THSD4: variants seen among roughly 807,000 people sequenced by gnomAD.
The protein encoded by THSD4 is thrombospondin type 1 domain containing 4.
A neutral mutation model predicts 119.0 loss-of-function variants in THSD4; 69 were observed. The ratio of observed to expected loss-of-function variants is 0.58; its 90% CI spans 0.48 to 0.71. The LOEUF is 0.71. THSD4 is among the 30% of genes least tolerant of loss of function. THSD4 has a pLI of 0.00. For missense variants in THSD4, 1,393 were observed against 1,391.1 expected (o/e 1.00, Z -0.02); for synonymous variants, 524 against 540.4 (o/e 0.97, Z 0.42).
chr15:71,417,476 A>AT lies in THSD4; in HGVS notation c.1152+5661dup, dbSNP rs1287401670. 8.6e-4 allele frequency among the ~76,000 whole-genome samples: 92 copies of AT among 107,114 alleles called. 28 individuals carry two copies. The highest frequency in any genetic ancestry group is 2.6e-3 in the African/African-American group (83 of 31,568). 70.3% of individuals were successfully genotyped at this position (107,114 alleles called of 152,430 possible). ...ATGGATTTCCAGTTTTCCCAGCACC[A>AT]TTTTTTTTGAGGAGACTGTCCTTTT... is the stretch of plus-strand genomic sequence containing the variant. On this transcript the variant is annotated intron_variant, in intron 7 of 17. Coordinates refer to ENST00000261862, the MANE Select transcript of THSD4 (RefSeq NM_024817.3).
chr15:71,101,725 T>TA lies in THSD4; in HGVS notation c.-80+4719_-80+4720insA, dbSNP rs975959605. ...TAGTTTTCTTTTCTTTTTTATTTTT[T>TA]TTTTTTGAGACAGAGTCTCACTCTG... On this transcript the variant is annotated intron_variant, in intron 1 of 17. Transcript: ENST00000355327. 1.2e-4 allele frequency among the ~76,000 whole-genome samples: 19 copies of TA among 152,016 alleles called. No homozygotes were observed. In the South Asian group the frequency reaches 1.7e-3, roughly 13 times the overall value.
intron 7 of THSD4, among the ~76,000 whole-genome samples, chr15:71,536,356 C>G (rs574286144): frequency 2.0e-5 from 3 of 152,292 alleles, no homozygotes; most frequent in East Asian, 3.9e-4. Context: ...ACAACCTTCC[C>G]TCCTCTGCCT....
intron 6 of THSD4, among the ~76,000 whole-genome samples, chr15:71,401,886 A>G (rs1398175681): frequency 1.3e-5 from 2 of 152,258 alleles, no homozygotes; most frequent in Non-Finnish European, 2.9e-5. Flanking sequence ...GATTAAGAAA[A>G]TATGGCACAT....
intron 7 of THSD4, among the ~76,000 whole-genome samples, chr15:71,608,918 C>T (rs1438537656): frequency 6.6e-6 from 1 of 152,158 alleles, no homozygotes; most frequent in Non-Finnish European, 1.5e-5. Context: ...GTTAGTAAGG[C>T]GGTCAGAACC....
chr15:71,706,724 T>C (rs2052400077), intron 8 of THSD4, among the ~76,000 whole-genome samples: 2 of 152,152 alleles, frequency 1.3e-5, no homozygotes, highest in South Asian at 4.1e-4. Context: ...GTTAACATGC[T>C]ACCAACGTGA....
At chr15:71,523,005 C>A (rs1225670936) in intron 7 of THSD4, among the ~76,000 whole-genome samples, 1 of 152,116 alleles carries the variant, frequency 6.6e-6, no homozygotes, top group Non-Finnish European at 1.5e-5. Flanking sequence ...GAGGGTCCTG[C>A]TTGGTTATCT....
chr15:71,714,774 G>A (rs1282344685), intron 8 of THSD4, among the ~76,000 whole-genome samples: 1 of 152,118 alleles, frequency 6.6e-6, no homozygotes, highest in Non-Finnish European at 1.5e-5. Context: ...TGTGGAGGTT[G>A]CAGTGAGCCA....
intron 7 of THSD4, chr15:71,547,209 G>A: frequency 1.5e-6 from 2 of 1,354,450 alleles, no homozygotes; most frequent in Non-Finnish European, 1.9e-6. Context: ...GTTATTACAT[G>A]AAGAGATCAG....
rs751027021 is a variant in THSD4, at chr15:71,607,270, G to A, written c.1153-53260G>A. On this transcript the variant is annotated intron_variant, in intron 7 of 17. Transcript: ENST00000261862. ...CAGCTTGGCTGTCTTGAGAATAAGTGGTAATGAGGAAGATCACAGGCAGAT... is the reference window on the plus strand; with the variant it reads ...CAGCTTGGCTGTCTTGAGAATAAGTAGTAATGAGGAAGATCACAGGCAGAT... Among the ~76,000 whole-genome samples, 3 of 152,158 alleles carry A rather than the reference G, an allele frequency of 2.0e-5. No individual in the cohort carries two copies. In the South Asian group the frequency reaches 6.2e-4, roughly 31 times the overall value.
intron 7 of THSD4, chr15:71,547,622 C>T (rs2048857771): frequency 7.5e-6 from 7 of 932,590 alleles, no homozygotes; most frequent in Non-Finnish European, 7.6e-6. Flanking sequence ...GTAGGCTTCT[C>T]TTGCCTTTTC....
chr15:71,622,083 A>G (rs1388825801), intron 7 of THSD4, among the ~76,000 whole-genome samples: 1 of 152,202 alleles, frequency 6.6e-6, no homozygotes, highest in African/African-American at 2.4e-5. Flanking sequence ...GCAATTCCCG[A>G]TGCCAAAAGT....
intron 2 of THSD4, among the ~76,000 whole-genome samples, chr15:71,142,867 TATAAC>T (rs2040618681): frequency 6.6e-6 from 1 of 152,328 alleles, no homozygotes; most frequent in Admixed American, 6.5e-5. Flanking sequence ...GCCTAGAACT[TATAAC>T]AGAAAGTAAA....
intron 7 of THSD4, among the ~76,000 whole-genome samples, chr15:71,504,955 C>T (rs1421080889): frequency 6.6e-6 from 1 of 152,160 alleles, no homozygotes; most frequent in African/African-American, 2.4e-5. Context: ...AGAGCATGGT[C>T]AGGTGTGTTG....
chr15:71,316,645 C>T (rs1475053744), intron 6 of THSD4, among the ~76,000 whole-genome samples: 1 of 152,130 alleles, frequency 6.6e-6, no homozygotes, highest in Non-Finnish European at 1.5e-5. Context: ...GGCTGAAGGC[C>T]TAGATACAAC....
chr15:71,494,643 A>T (rs946388598), intron 7 of THSD4, among the ~76,000 whole-genome samples: 4 of 150,194 alleles, frequency 2.7e-5, no homozygotes, highest in Non-Finnish European at 4.4e-5. Context: ...GTTCTGTTTC[A>T]GATCAGGAAG....
At chr15:71,757,657 TA>T (rs2053565476) in intron 14 of THSD4, among the ~76,000 whole-genome samples, 1 of 152,084 alleles carries the variant, frequency 6.6e-6, no homozygotes, top group Admixed American at 6.6e-5. Flanking sequence ...ATAAGTGTAT[TA>T]ATTGCAGTGG....
intron 6 of THSD4, among the ~76,000 whole-genome samples, chr15:71,401,236 C>T (rs2046527922): frequency 6.6e-6 from 1 of 152,132 alleles, no homozygotes; most frequent in Non-Finnish European, 1.5e-5. Flanking sequence ...TCCACTTAAG[C>T]AAAATTCCTA....
chr15:71,498,675 C>T (rs1489813084), intron 7 of THSD4, among the ~76,000 whole-genome samples: 3 of 151,974 alleles, frequency 2.0e-5, no homozygotes, highest in South Asian at 2.1e-4. Context: ...ATCCTGCACA[C>T]GGCAACCAAG....
chr15:71,345,921 C>T (rs1038462082), intron 6 of THSD4, among the ~76,000 whole-genome samples: 6 of 151,788 alleles, frequency 4.0e-5, no homozygotes, highest in South Asian at 2.1e-4. Context: ...GATACATTGC[C>T]ACTCCCCCAG....
Sources: allele counts gnomAD v4.1 joint callset (sites outside exome capture counted in the v4.1 genomes callset), GRCh38; gene constraint gnomAD v4.1.1; transcripts MANE v1.5; gene names NCBI Gene and HGNC (gene_info 2026-07-23, HGNC 2026-07-21).